The following TUT7 variants were observed in gnomAD, a reference collection of about 807,000 sequenced individuals.
TUT7 encodes terminal uridylyl transferase 7, also known as terminal uridylyltransferase 7.
In TUT7, 33 loss-of-function variants were observed where a neutral mutation model predicts 165.9. The ratio of observed to expected loss-of-function variants is 0.20; its 90% CI spans 0.15 to 0.27. The LOEUF is 0.27. Ranked by LOEUF, TUT7 falls within the 10% of genes least tolerant of loss-of-function variation. TUT7 has a pLI of 1.00. For missense variants in TUT7, 1,338 were observed against 1,762.3 expected, an observed-to-expected ratio of 0.76 and a Z score of 4.31; for synonymous variants, 552 against 608.1, an observed-to-expected ratio of 0.91 and a Z score of 1.36.
chr9:86,319,179 CT>C lies in TUT7; in HGVS notation c.3116-122del. Reference sequence around the variant, plus strand: ...TTAATTATCCTATATTAATCTCATACTTATGTTCTCTGATTAACTGGTCATT... The same window carrying C: ...TTAATTATCCTATATTAATCTCATACTATGTTCTCTGATTAACTGGTCATT... On this transcript the variant is annotated intron_variant, in intron 15 of 26. Transcript: ENST00000375963. 4.8e-6 allele frequency: 3 copies of C among 627,582 alleles called. No homozygotes were observed. In the Admixed American group the frequency reaches 9.9e-5, roughly 21 times the overall value. 38.9% of individuals were successfully genotyped at this position (627,582 alleles called of 1,614,324 possible). A position where few individuals can be genotyped will look rare whatever the true frequency, so the allele number is the denominator to read the frequency against.
intron 10 of TUT7, among the ~76,000 whole-genome samples, chr9:86,330,184 A>G (rs1365840492): frequency 6.6e-6 from 1 of 152,096 alleles, no homozygotes; most frequent in Non-Finnish European, 1.5e-5. Context: ...CAGCCTCCCA[A>G]GTAGCTGGGA....
intron 17 of TUT7, among the ~76,000 whole-genome samples, chr9:86,314,355 C>A (rs1828510967): frequency 1.3e-5 from 2 of 151,780 alleles, no homozygotes; most frequent in Admixed American, 1.3e-4. Flanking sequence ...GTCTCTTTCT[C>A]TCAATCTCTC....
Position 86,323,331 on chromosome 9 carries a change from C to G in TUT7, c.2419G>C (p.Asp807His), listed in dbSNP as rs781764595. The change falls in exon 13 of 27, where the codon GAT becomes CAT. Residue 807 changes from aspartate to histidine, a missense_variant. Asp to His is a moderately conservative substitution (Grantham distance 81). Transcript: ENST00000375963. ...TCTCCATCAAGATCAGCCTTGTTAT[C>G]TAAAGTGGCAAGTCCCTCACACTCT... ...AKECEGLATL[D>H]NKADLDGEST... 2 of 1,614,008 alleles carry G rather than the reference C, an allele frequency of 1.2e-6. No individual in the cohort carries two copies. Among genetic ancestry groups the G allele is most frequent in the Non-Finnish European group, 1.7e-6 (2 of 1,180,030 alleles).
chr9:86,318,201 C>A (rs187355499), intron 16 of TUT7, among the ~76,000 whole-genome samples: 2 of 152,294 alleles, frequency 1.3e-5, no homozygotes, highest in African/African-American at 4.8e-5. Flanking sequence ...GACTTTATAC[C>A]TTTATATAGT....
At position 86,288,505 on chromosome 9, in the gene TUT7, T is replaced by C; in HGVS notation, c.*172A>G. On this transcript the variant is annotated 3_prime_UTR_variant, in exon 27 of 27. Coordinates refer to ENST00000375963, the MANE Select transcript of TUT7 (RefSeq NM_024617.4). ...GGGATGTGTGGTAGATAAGACTATA[T>C]TAAAAATTTTTCCTCATTAACAATT... 1 of 478,544 alleles carries C rather than the reference T, an allele frequency of 2.1e-6. No individual in the cohort carries two copies. The highest frequency in any genetic ancestry group is 3.7e-6 in the Non-Finnish European group (1 of 267,250). The allele number at this position is 478,544 out of a possible 1,614,324, so 29.6% of individuals were successfully genotyped here.
chr9:86,346,545 C>A, intron 2 of TUT7, 65 bp from the exon 3 acceptor site: 4 of 1,468,478 alleles, frequency 2.7e-6, no homozygotes, highest in South Asian at 2.4e-5. Flanking sequence ...AAAAAGCAGA[C>A]CTTACATATG....
chr9:86,298,974 G>A (rs538734914), intron 26 of TUT7: 9 of 218,130 alleles, frequency 4.1e-5, no homozygotes, highest in Middle Eastern at 2.3e-3. Flanking sequence ...CAAGACCATG[G>A]GCAGGAGTTC....
intron 10 of TUT7, among the ~76,000 whole-genome samples, chr9:86,330,806 A>C (rs1015954164): frequency 6.6e-6 from 1 of 151,908 alleles, no homozygotes; most frequent in African/African-American, 2.4e-5. Flanking sequence ...TAAGCATTTA[A>C]ATCTAAAACT....
intron 2 of TUT7, chr9:86,352,472 T>C: frequency 1.6e-6 from 1 of 644,622 alleles, no homozygotes; most frequent in South Asian, 2.0e-5. Context: ...AGTAAACTTT[T>C]AAAGGGATCA....
chr9:86,342,707 G>A (rs553733859), intron 6 of TUT7, among the ~76,000 whole-genome samples: 1 of 152,234 alleles, frequency 6.6e-6, no homozygotes, highest in Non-Finnish European at 1.5e-5. Flanking sequence ...AAACTCCAGA[G>A]ACAATTAAGC....
chr9:86,308,240 T>C (rs1827708381), intron 22 of TUT7, among the ~76,000 whole-genome samples, 189 bp downstream of exon 22: 1 of 152,106 alleles, frequency 6.6e-6, no homozygotes, highest in African/African-American at 2.4e-5. Context: ...TTTGTCATGG[T>C]GAAATGGCTT....
At chr9:86,325,665 T>A (rs1340392608) in intron 11 of TUT7, 151 bp from the exon 12 acceptor site, 1 of 691,336 alleles carries the variant, frequency 1.4e-6, no homozygotes, top group Non-Finnish European at 2.4e-6. Flanking sequence ...CAATTCTAAC[T>A]TCTATTTTGT....
At chr9:86,343,804 T>C (rs1310585022) in intron 5 of TUT7, among the ~76,000 whole-genome samples, 2 of 152,240 alleles carry the variant, frequency 1.3e-5, no homozygotes, top group African/African-American at 4.8e-5. Context: ...AAGATGTGTG[T>C]GTATATGAGT....
At chr9:86,340,198 G>T in intron 7 of TUT7, 93 bp from the exon 8 acceptor site, 1 of 1,033,806 alleles carries the variant, frequency 9.7e-7, no homozygotes, top group Non-Finnish European at 1.5e-6. Context: ...TTGTCCCTTA[G>T]CTGTTGAGTC....
At chr9:86,293,423 G>A (rs1346750712) in intron 26 of TUT7, among the ~76,000 whole-genome samples, 2 of 152,096 alleles carry the variant, frequency 1.3e-5, no homozygotes, top group Non-Finnish European at 2.9e-5. Flanking sequence ...TCCAGCCTGG[G>A]CGACAGTGAG....
At chr9:86,290,086 C>T (rs1825794452) in intron 26 of TUT7, among the ~76,000 whole-genome samples, 1 of 152,008 alleles carries the variant, frequency 6.6e-6, no homozygotes, top group Non-Finnish European at 1.5e-5. Context: ...GACAATAATA[C>T]CTGCCCCCTT....
chr9:86,296,609 ATCT>A (rs1826348526), intron 26 of TUT7, among the ~76,000 whole-genome samples: 1 of 152,226 alleles, frequency 6.6e-6, no homozygotes, highest in Non-Finnish European at 1.5e-5. Context: ...CAGTACTTTA[ATCT>A]TCTTAGCACC....
chr9:86,353,221 T>C lies in TUT7; in HGVS notation c.-22A>G. Reference sequence around the variant, plus strand: ...CCATGGTCTTTGACTTCAATTTTCTTACTTTGCACCTGAAAGAAGGTATTT... The same window carrying C: ...CCATGGTCTTTGACTTCAATTTTCTCACTTTGCACCTGAAAGAAGGTATTT... On this transcript the variant is annotated 5_prime_UTR_variant, in exon 2 of 27. Transcript: ENST00000375963. 3 of 1,537,408 alleles carry C rather than the reference T, an allele frequency of 2.0e-6. No individual in the cohort carries two copies. Among genetic ancestry groups the C allele is most frequent in the African/African-American group, 1.4e-5 (1 of 72,016 alleles).
At chr9:86,319,195 A>C in intron 15 of TUT7, 137 bp from the exon 16 acceptor site, 1 of 606,086 alleles carries the variant, frequency 1.6e-6, no homozygotes, top group South Asian at 2.3e-5. Flanking sequence ...TTCTCTGATT[A>C]ACTGGTCATT....
Sources: gnomAD v4.1 joint callset for allele counts (sites outside exome capture counted in the v4.1 genomes callset) on GRCh38, gnomAD v4.1.1 for gene constraint, MANE v1.5 for transcripts, NCBI Gene and HGNC (gene_info 2026-07-23, HGNC 2026-07-21) for gene names.